The following CA5A variants were observed in gnomAD, a reference collection of about 807,000 sequenced individuals.
CA5A encodes the protein carbonic anhydrase 5A.
A neutral mutation model predicts 37.1 loss-of-function variants in CA5A; 28 were observed. The observed-to-expected ratio is 0.75, with a 90% CI of 0.56 to 1.03. CA5A has a LOEUF of 1.03. Ranked by LOEUF, CA5A falls within the 50% of genes least tolerant of loss-of-function variation. The probability of loss-of-function intolerance (pLI) is 0.00; values close to 1 mark genes in which losing one functional copy is unlikely to be tolerated. For missense variants in CA5A, 444 were observed against 399.9 expected, an observed-to-expected ratio of 1.11 and a Z score of -0.94; for synonymous variants, 171 against 158.4, an observed-to-expected ratio of 1.08 and a Z score of -0.60.
chr16:87,928,666 T>TCA (rs1428730268), intron 1 of CA5A, among the ~76,000 whole-genome samples: 5 of 152,094 alleles, frequency 3.3e-5, no homozygotes, highest in African/African-American at 1.2e-4. Flanking sequence ...GGTGATGATA[T>TCA]TTAGGTTATT....
Position 87,936,244 on chromosome 16 carries a change from C to T in CA5A, c.142+65G>A, listed in dbSNP as rs138942795. On this transcript the variant is annotated intron_variant, in intron 1 of 6. Transcript: ENST00000649794. ...CGGGACGGTCTCTCCTCTCTCCTCT[C>T]GAAAGACCCCATCAGCTAAGACAAG... The T allele has an allele frequency of 1.0e-4, 121 of 1,179,972 alleles. No homozygotes were observed. In the South Asian group the frequency reaches 1.1e-3, roughly 10 times the overall value. The allele number at this position is 1,179,972 out of a possible 1,614,324, so 73.1% of individuals were successfully genotyped here. A position where few individuals can be genotyped will look rare whatever the true frequency, so the allele number is the denominator to read the frequency against.
intron 2 of CA5A, among the ~76,000 whole-genome samples, chr16:87,909,427 C>A (rs1449008644): frequency 6.6e-6 from 1 of 152,204 alleles, no homozygotes; most frequent in Non-Finnish European, 1.5e-5. Context: ...AGGAGGGAAG[C>A]GAAACGTTCG....
intron 2 of CA5A, chr16:87,923,536 G>T: frequency 1.0e-6 from 1 of 985,026 alleles, no homozygotes; most frequent in Non-Finnish European, 1.2e-6. Context: ...CTCCTTCTAG[G>T]AGTAGTATCA....
At chr16:87,905,309 C>T (rs192249459) in intron 2 of CA5A, among the ~76,000 whole-genome samples, 182 of 152,322 alleles carry the variant, frequency 1.2e-3, no homozygotes, top group African/African-American at 4.2e-3. Flanking sequence ...TAAATCCTAT[C>T]ACCAAATAAC....
In CA5A at chr16:87,897,952, G is replaced by A. The variant is rs114465746; in HGVS notation, c.618+3960C>T. ...TGAGCCTGGGCAGGTGCTCCTGACG[G>A]GAGTGGTAAACAGGATGCCGCAGGA... is the stretch of plus-strand genomic sequence containing the variant. On this transcript the variant is annotated intron_variant, in intron 5 of 6. Transcript: ENST00000649794. Among the ~76,000 whole-genome samples the A allele has an allele frequency of 4.0e-3, 605 of 152,294 alleles. 6 individuals carry two copies. Among genetic ancestry groups the A allele is most frequent in the African/African-American group, 0.014 (588 of 41,560 alleles).
chr16:87,902,586 G>C (rs1057386597), intron 3 of CA5A, 66 bp from the exon 4 acceptor site: 7 of 874,192 alleles, frequency 8.0e-6, no homozygotes, highest in Non-Finnish European at 1.2e-5. Flanking sequence ...TTCCCCTTCT[G>C]AATGGCTGAC....
At chr16:87,934,002 G>A (rs1261751437) in intron 1 of CA5A, among the ~76,000 whole-genome samples, 3 of 152,212 alleles carry the variant, frequency 2.0e-5, no homozygotes, top group African/African-American at 7.2e-5. Flanking sequence ...TCTAGCACAC[G>A]ATGTAAGAGG....
chr16:87,895,884 G>T (rs1175606510), intron 5 of CA5A, among the ~76,000 whole-genome samples: 2 of 152,210 alleles, frequency 1.3e-5, no homozygotes, highest in African/African-American at 4.8e-5. Flanking sequence ...GCATGGTCTA[G>T]CTGGGTTGAC....
intron 2 of CA5A, among the ~76,000 whole-genome samples, chr16:87,918,939 A>G (rs749652548): frequency 4.6e-5 from 7 of 151,802 alleles, no homozygotes; most frequent in Non-Finnish European, 8.8e-5. Flanking sequence ...TGAGTGGGAG[A>G]GAAATAAAAA....
At chr16:87,903,358 G>A (rs2055908612) in intron 3 of CA5A, among the ~76,000 whole-genome samples, 1 of 152,166 alleles carries the variant, frequency 6.6e-6, no homozygotes, top group African/African-American at 2.4e-5. Flanking sequence ...TTGAACCTGG[G>A]CAGCAGAGGT....
chr16:87,933,300 T>G (rs116311039), intron 1 of CA5A, among the ~76,000 whole-genome samples: 2,011 of 152,362 alleles, frequency 0.013, 41 homozygotes, highest in African/African-American at 0.045. Context: ...AACGTAACGT[T>G]GCTGATCACA....
chr16:87,909,030 A>G (rs1391621238), intron 2 of CA5A, among the ~76,000 whole-genome samples: 2 of 144,488 alleles, frequency 1.4e-5, no homozygotes, highest in African/African-American at 5.3e-5. Flanking sequence ...ACGGGGTTTC[A>G]CCATGTTGGC....
chr16:87,915,689 C>CAAAAAA, intron 2 of CA5A, among the ~76,000 whole-genome samples: 1 of 83,626 alleles, frequency 1.2e-5, no homozygotes, highest in Non-Finnish European at 2.3e-5. Flanking sequence ...ATCCTGTCTC[C>CAAAAAA]AAAAAAAAAA....
intron 2 of CA5A, among the ~76,000 whole-genome samples, chr16:87,917,333 C>G (rs546366552): frequency 6.6e-6 from 1 of 152,172 alleles, no homozygotes. Context: ...ATCAGAGTCA[C>G]TGCTCTGGGA....
At chr16:87,894,962 C>T (rs2055780768) in intron 5 of CA5A, among the ~76,000 whole-genome samples, 2 of 152,144 alleles carry the variant, frequency 1.3e-5, no homozygotes, top group South Asian at 2.1e-4. Context: ...CTAAAGTGTA[C>T]AGCCTGGTTG....
At chr16:87,913,675 G>C (rs1414888581) in intron 2 of CA5A, among the ~76,000 whole-genome samples, 1 of 134,532 alleles carries the variant, frequency 7.4e-6, no homozygotes, top group African/African-American at 2.8e-5. Flanking sequence ...TCTCCAATAC[G>C]AAGAGCCCAC....
intron 2 of CA5A, among the ~76,000 whole-genome samples, chr16:87,906,610 G>A (rs1342692219): frequency 1.3e-5 from 2 of 152,094 alleles, no homozygotes; most frequent in African/African-American, 4.8e-5. Flanking sequence ...CTGGGCGACG[G>A]AGTGAGAATC....
Position 87,922,534 on chromosome 16 carries a change from G to A in CA5A, c.340+4214C>T, listed in dbSNP as rs2056245087. Among the ~76,000 whole-genome samples, 6 of 152,240 alleles carry A rather than the reference G, an allele frequency of 3.9e-5. No homozygotes were observed. In the South Asian group the frequency reaches 1.2e-3, roughly 31 times the overall value. ...AAGTGTGCCCTTAAAGCACTGCAGG[G>A]ATGTCCCTGCTCCACCGCCAACAGG... On this transcript the variant is annotated intron_variant, in intron 2 of 6. Coordinates refer to ENST00000649794, the MANE Select transcript of CA5A (RefSeq NM_001739.2).
chr16:87,924,152 C>A, intron 2 of CA5A: 2 of 985,438 alleles, frequency 2.0e-6, no homozygotes, highest in Non-Finnish European at 2.4e-6. Context: ...CACTTTCCCT[C>A]TTCTTCTCCG....
Sources: gnomAD v4.1 joint callset for allele counts (sites outside exome capture counted in the v4.1 genomes callset) on GRCh38, gnomAD v4.1.1 for gene constraint, MANE v1.5 for transcripts, NCBI Gene and HGNC (gene_info 2026-07-23, HGNC 2026-07-21) for gene names.